Variants in GLP2R observed in about 807,000 individuals in gnomAD.
GLP2R encodes glucagon like peptide 2 receptor, also known as glucagon-like peptide 2 receptor.
A neutral mutation model predicts 68.2 loss-of-function variants in GLP2R; 59 were observed. The ratio of observed to expected loss-of-function variants is 0.87; its 90% CI spans 0.70 to 1.07. The LOEUF (loss-of-function observed/expected upper bound fraction) is 1.07, where lower values mean the gene tolerates loss of function less well. GLP2R is among the 50% of genes least tolerant of loss of function. The probability of loss-of-function intolerance (pLI) is 0.00; values close to 1 mark genes in which losing one functional copy is unlikely to be tolerated. For synonymous variants in GLP2R, 270 were observed against 265.4 expected (o/e 1.02, Z -0.17); for missense variants, 548 against 677.4 (o/e 0.81, Z 2.12).
chr17:9,848,421 G>A (rs1402658), intron 4 of GLP2R, among the ~76,000 whole-genome samples: 2 of 151,878 alleles, frequency 1.3e-5, no homozygotes, highest in Non-Finnish European at 2.9e-5. Context: ...GAGCCAATTG[G>A]TCTGTAGGGG....
rs77285042 is a variant in GLP2R, at chr17:9,832,809, C to T, written c.190-998C>T. 3.3e-3 allele frequency among the ~76,000 whole-genome samples: 507 copies of T among 152,236 alleles called. 5 individuals carry two copies. Among genetic ancestry groups the T allele is most frequent in the African/African-American group, 0.011 (471 of 41,550 alleles). On this transcript the variant is annotated intron_variant, in intron 1 of 12. Coordinates refer to ENST00000262441, the MANE Select transcript of GLP2R (RefSeq NM_004246.3). ...TACACAACTAGAAGCTGTTACACAG[C>T]CCAGTTATCTGGAAAGCCCAAAACG... is the stretch of plus-strand genomic sequence containing the variant.
chr17:9,856,437 A>G (rs769555973), intron 5 of GLP2R, among the ~76,000 whole-genome samples: 6 of 152,182 alleles, frequency 3.9e-5, no homozygotes, highest in Non-Finnish European at 7.3e-5. Flanking sequence ...AAATATAACA[A>G]TAGCTTTAAA....
intron 12 of GLP2R, among the ~76,000 whole-genome samples, chr17:9,888,854 A>G (rs2067265672): frequency 6.6e-6 from 1 of 152,242 alleles, no homozygotes; most frequent in Non-Finnish European, 1.5e-5. Flanking sequence ...GGAGGGGCAG[A>G]GGCCAGAACA....
chr17:9,831,546 A>G (rs1200961767), intron 1 of GLP2R, among the ~76,000 whole-genome samples: 1 of 152,102 alleles, frequency 6.6e-6, no homozygotes, highest in Non-Finnish European at 1.5e-5. Context: ...TCTAGGCTTG[A>G]GTTGGGCCTT....
intron 9 of GLP2R, among the ~76,000 whole-genome samples, chr17:9,865,353 C>T (rs1410496002): frequency 6.6e-6 from 1 of 151,962 alleles, no homozygotes; most frequent in Non-Finnish European, 1.5e-5. Flanking sequence ...TCTGCAAACA[C>T]CTCCTTTTTG....
At chr17:9,844,840 G>T (rs1333937809) in intron 4 of GLP2R, among the ~76,000 whole-genome samples, 1 of 150,384 alleles carries the variant, frequency 6.6e-6, no homozygotes, top group Admixed American at 6.6e-5. Flanking sequence ...ACAGGTGCGT[G>T]CCACCACGCC....
chr17:9,865,137 C>T (rs1347553626), intron 9 of GLP2R, among the ~76,000 whole-genome samples: 1 of 152,102 alleles, frequency 6.6e-6, no homozygotes, highest in Non-Finnish European at 1.5e-5. Context: ...GCTCCACCAC[C>T]CACCCACCCA....
rs188837688 is a variant in GLP2R at position 9,871,590 on chromosome 17, C to T, written c.1145+755C>T. On this transcript the variant is annotated intron_variant, in intron 10 of 12. Coordinates refer to ENST00000262441, the MANE Select transcript of GLP2R (RefSeq NM_004246.3). ...TCTCACCTTCCTCTTTCTGAGATGA[C>T]AGCAGTCCTCATTCATAGTCAGTCA... 2.3e-3 allele frequency among the ~76,000 whole-genome samples: 353 copies of T among 152,238 alleles called. 2 individuals are homozygous for T. Among genetic ancestry groups the T allele is most frequent in the Middle Eastern group, 0.01 (3 of 294 alleles).
At chr17:9,837,486 C>T (rs1445915605) in intron 3 of GLP2R, among the ~76,000 whole-genome samples, 3 of 152,116 alleles carry the variant, frequency 2.0e-5, no homozygotes, top group Non-Finnish European at 4.4e-5. Context: ...ATGCTAACCT[C>T]CACACAATTT....
Position 9,854,538 on chromosome 17 carries a change from C to A in GLP2R, c.548C>A (p.Thr183Asn), listed in dbSNP as rs1282612357. The A allele has an allele frequency of 6.2e-7, 1 of 1,612,610 alleles. No individual in the cohort carries two copies. Among genetic ancestry groups the A allele is most frequent in the Non-Finnish European group, 8.5e-7 (1 of 1,178,726 alleles). ...CTGTCAACCTTGCAGCTGATGTACA[C>A]CGTGGGATACTCCTTCTCTCTTATC... ...ALLSTLQLMY[T>N]VGYSFSLISL... is the part of the protein sequence containing the mutation. Residue 183 changes from threonine to asparagine, a missense_variant, in exon 5 of 13, where the codon ACC (threonine) becomes AAC (asparagine). By Grantham distance (65) the Thr-to-Asn change is moderately conservative. Transcript: ENST00000262441.
intron 11 of GLP2R, among the ~76,000 whole-genome samples, chr17:9,882,784 C>T (rs939507170): frequency 1.3e-5 from 2 of 152,140 alleles, no homozygotes; most frequent in African/African-American, 4.8e-5. Context: ...TGAGCAGAGA[C>T]ATCACTGGCC....
chr17:9,878,822 G>C (rs2067163905), intron 10 of GLP2R, among the ~76,000 whole-genome samples: 1 of 152,104 alleles, frequency 6.6e-6, no homozygotes, highest in Non-Finnish European at 1.5e-5. Context: ...CCTTCCTTAA[G>C]AAACTCCCCC....
At chr17:9,880,700 C>T (rs2067187442) in intron 11 of GLP2R, among the ~76,000 whole-genome samples, 184 bp downstream of exon 11, 1 of 152,158 alleles carries the variant, frequency 6.6e-6, no homozygotes, top group Admixed American at 6.5e-5. Context: ...TTGATCCTGC[C>T]AGCATGATTC....
intron 2 of GLP2R, among the ~76,000 whole-genome samples, chr17:9,835,259 C>A (rs188779047): frequency 6.6e-6 from 1 of 152,160 alleles, no homozygotes; most frequent in African/African-American, 2.4e-5. Flanking sequence ...GATCCCCTGA[C>A]CTCGTGATCC....
intron 3 of GLP2R, among the ~76,000 whole-genome samples, chr17:9,840,354 C>G (rs2066774897): frequency 6.6e-6 from 1 of 152,204 alleles, no homozygotes. Flanking sequence ...TTGCACTCCC[C>G]CAGCCAGAGC....
chr17:9,842,917 T>C (rs1353558692), intron 4 of GLP2R, among the ~76,000 whole-genome samples: 1 of 152,152 alleles, frequency 6.6e-6, no homozygotes, highest in Non-Finnish European at 1.5e-5. Flanking sequence ...GGCTGGCTCC[T>C]TCTCACCATC....
At chr17:9,862,155 C>T (rs2066993497) in intron 9 of GLP2R, 65 bp downstream of exon 9, 1 of 1,166,680 alleles carries the variant, frequency 8.6e-7, no homozygotes, top group Non-Finnish European at 1.3e-6. Flanking sequence ...CCCCCCGCCC[C>T]ACCCGACTTC....
At chr17:9,852,210 C>G (rs983636801) in intron 4 of GLP2R, among the ~76,000 whole-genome samples, 8 of 152,040 alleles carry the variant, frequency 5.3e-5, no homozygotes, top group Non-Finnish European at 8.8e-5. Context: ...CTGTAATGCT[C>G]TCTCTCCCCT....
chr17:9,891,805 C>T lies in GLP2R; in HGVS notation c.*2100C>T, dbSNP rs923200837. On this transcript the variant is annotated 3_prime_UTR_variant, in exon 13 of 13. Coordinates refer to ENST00000262441, the MANE Select transcript of GLP2R (RefSeq NM_004246.3). ...TGCAAATGTCCCTGCCTCGGCTCAT[C>T]AGCCAATTAGCTCCTAGAAAGCTGG... 1 of 152,202 alleles carries T rather than the reference C, an allele frequency of 6.6e-6. No homozygotes were observed. Among genetic ancestry groups the T allele is most frequent in the African/African-American group, 2.4e-5 (1 of 41,460 alleles). 9.4% of individuals were successfully genotyped at this position (152,202 alleles called of 1,614,324 possible).
Sources: allele counts gnomAD v4.1 joint callset (sites outside exome capture counted in the v4.1 genomes callset), GRCh38; gene constraint gnomAD v4.1.1; transcripts MANE v1.5; gene names NCBI Gene and HGNC (gene_info 2026-07-23, HGNC 2026-07-21).